PCLO: variants seen among roughly 807,000 people sequenced by gnomAD.
PCLO encodes the protein piccolo presynaptic cytomatrix protein, also known as protein piccolo.
Under a neutral mutation model 427.5 loss-of-function variants are expected in PCLO, and 82 were observed. That is an observed-to-expected ratio of 0.19 (90% CI 0.16 to 0.23). The LOEUF (loss-of-function observed/expected upper bound fraction) is 0.23, where lower values mean the gene tolerates loss of function less well. Ranked by LOEUF, PCLO falls within the 10% of genes least tolerant of loss-of-function variation. The pLI is 1.00. For synonymous variants in PCLO, 2,357 were observed against 2,155.4 expected, an observed-to-expected ratio of 1.09 and a Z score of -2.59; for missense variants, 6,239 against 6,115.9, an observed-to-expected ratio of 1.02 and a Z score of -0.67.
chr7:83,089,025 G>A (rs1790310340), intron 3 of PCLO, among the ~76,000 whole-genome samples: 1 of 152,028 alleles, frequency 6.6e-6, no homozygotes, highest in Non-Finnish European at 1.5e-5. Flanking sequence ...TCACATACTT[G>A]GAGACATAGT....
chr7:82,924,936 G>A (rs940424768), intron 6 of PCLO, among the ~76,000 whole-genome samples: 2 of 152,098 alleles, frequency 1.3e-5, no homozygotes, highest in Non-Finnish European at 2.9e-5. Flanking sequence ...TTAAAATGAT[G>A]AATAAGACAC....
At chr7:82,918,443 TTACA>T (rs1166309329) in intron 6 of PCLO, among the ~76,000 whole-genome samples, 1 of 152,042 alleles carries the variant, frequency 6.6e-6, no homozygotes, top group Non-Finnish European at 1.5e-5. Context: ...TTCTAGATCT[TTACA>T]TATTCTTTCA....
intron 8 of PCLO, among the ~76,000 whole-genome samples, chr7:82,908,584 G>A (rs181927384): frequency 1.9e-4 from 29 of 152,176 alleles, no homozygotes; most frequent in Admixed American, 3.9e-4. Context: ...TAAGCTCTCA[G>A]AGCTCCATCT....
chr7:82,809,677 C>T (rs145757434), intron 20 of PCLO, among the ~76,000 whole-genome samples: 2 of 151,674 alleles, frequency 1.3e-5, no homozygotes, highest in East Asian at 3.9e-4. Flanking sequence ...TAGATAATTT[C>T]ACTTTTTAAA....
At chr7:83,156,687 C>G (rs1397356109) in intron 1 of PCLO, among the ~76,000 whole-genome samples, 1 of 151,296 alleles carries the variant, frequency 6.6e-6, no homozygotes, top group Non-Finnish European at 1.5e-5. Context: ...AGTAATTTAC[C>G]TTTGCACTTA....
At chr7:83,002,433 T>C (rs1470295958) in intron 3 of PCLO, among the ~76,000 whole-genome samples, 1 of 151,980 alleles carries the variant, frequency 6.6e-6, no homozygotes, top group Admixed American at 6.6e-5. Flanking sequence ...TCTTTCACAT[T>C]TATTCTTTTA....
rs751146334 is a variant in PCLO, at chr7:82,822,558, C to T, written c.14728G>A (p.Glu4910Lys). 6.2e-7 allele frequency: 1 copy of T among 1,613,892 alleles called. No individual in the cohort carries two copies. Among genetic ancestry groups the T allele is most frequent in the Non-Finnish European group, 8.5e-7 (1 of 1,179,870 alleles). Residue 4910 changes from glutamate (E) to lysine (K), a missense_variant, in exon 20 of 25, where the codon GAA becomes AAA. By Grantham distance (56) the Glu-to-Lys change is moderately conservative (BLOSUM62 1). This residue lies in a region of PCLO where 877 missense variants were observed against 925.5 expected (regional missense o/e 0.95). Coordinates refer to ENST00000333891, the MANE Select transcript of PCLO (RefSeq NM_033026.6). ...GCAGCTATGGCAGCCCCTGCATCTT[C>T]CAGGTGGGTCTGAGTGACGCTGGTT... Reference protein sequence around the residue: ...SKTSVTQTHLEDAGAAIAAAE... With the variant: ...SKTSVTQTHLKDAGAAIAAAE...
At chr7:83,052,330 A>G (rs1335061374) in intron 3 of PCLO, among the ~76,000 whole-genome samples, 1 of 152,008 alleles carries the variant, frequency 6.6e-6, no homozygotes, top group East Asian at 1.9e-4. Context: ...CTGCTTTAAA[A>G]TAAAATCTAT....
In PCLO at chr7:83,134,666, C is replaced by T. The variant is rs199875203; in HGVS notation, c.2884G>A (p.Ala962Thr). The change falls in exon 3 of 25, where the codon GCC (alanine) becomes ACC (threonine). Residue 962 changes from alanine (A) to threonine (T), a missense_variant. Coordinates refer to ENST00000333891, the MANE Select transcript of PCLO (RefSeq NM_033026.6). Reference protein sequence around the residue: ...PGPHSQSGPGAPMKQAPAPSQ... With the variant: ...PGPHSQSGPGTPMKQAPAPSQ... Reference sequence around the variant, plus strand: ...GGGGCAGGGGCTTGTTTCATTGGGGCCCCTGGTCCACTTTGTGAATGAGGT... The same window carrying T: ...GGGGCAGGGGCTTGTTTCATTGGGGTCCCTGGTCCACTTTGTGAATGAGGT... The T allele has an allele frequency of 5.3e-4, 856 of 1,613,620 alleles. 1 individual carries two copies. Among genetic ancestry groups the T allele is most frequent in the Non-Finnish European group, 6.5e-4 (762 of 1,179,744 alleles).
At chr7:82,969,524 G>A (rs1438099058) in intron 3 of PCLO, among the ~76,000 whole-genome samples, 1 of 151,836 alleles carries the variant, frequency 6.6e-6, no homozygotes, top group Non-Finnish European at 1.5e-5. Flanking sequence ...CAGTCTCTTG[G>A]GTGCATGACT....
chr7:82,915,496 A>G lies in PCLO; in HGVS notation c.12490T>C (p.Tyr4164His), dbSNP rs1749488551. 6.2e-7 allele frequency: 1 copy of G among 1,613,538 alleles called. No homozygotes were observed. Among genetic ancestry groups the G allele is most frequent in the Admixed American group, 1.7e-5 (1 of 59,968 alleles). Residue 4164 changes from tyrosine (Y) to histidine (H), a missense_variant, in exon 7 of 25, where the codon TAT becomes CAT. Physicochemically the swap from Tyr to His is moderately conservative, Grantham distance 83. This residue lies in a region of PCLO where 680 missense variants were observed against 677.3 expected (regional missense o/e 1.00). Transcript: ENST00000333891. The part of the protein sequence containing the change: ...SYRHFPKSEK[Y>H]SISRLTLEKQ... ...TCAAGTGTGAGTCTACTGATGCTAT[A>G]CTTCTCAGATTTTGGAAAATGTCTG...
At chr7:82,793,009 T>C (rs1791138712) in intron 22 of PCLO, among the ~76,000 whole-genome samples, 1 of 151,362 alleles carries the variant, frequency 6.6e-6, no homozygotes. Context: ...TTAATTGCTT[T>C]TTTTTTTTAC....
Position 82,824,287 on chromosome 7 carries a change from G to T in PCLO, c.14545C>A (p.Pro4849Thr). 6.2e-7 allele frequency: 1 copy of T among 1,613,394 alleles called. No homozygotes were observed. The highest frequency in any genetic ancestry group is 8.5e-7 in the Non-Finnish European group (1 of 1,179,678). ...SSQSSQQSPKPSVIKSRSHGI... is the reference protein window; with the variant it reads ...SSQSSQQSPKTSVIKSRSHGI... ...TGGCTTCTGCTTTTGATAACAGATG[G>T]CTTTGGGGACTGCTGGCTGCTCTGA... The change falls in exon 19 of 25, where the codon CCA becomes ACA. Residue 4849 changes from proline (P) to threonine (T), a missense_variant. This residue lies in a region of PCLO where 877 missense variants were observed against 925.5 expected (regional missense o/e 0.95). Coordinates refer to ENST00000333891, the MANE Select transcript of PCLO (RefSeq NM_033026.6).
chr7:82,855,980 T>C (rs1294274942), intron 10 of PCLO, among the ~76,000 whole-genome samples: 1 of 152,100 alleles, frequency 6.6e-6, no homozygotes, highest in Non-Finnish European at 1.5e-5. Flanking sequence ...CTAGATTCTG[T>C]GACTCTCAAT....
rs1387186312 is a variant in PCLO at position 82,801,503 on chromosome 7, T to C, written c.15007+15A>G. The C allele has an allele frequency of 6.9e-7, 1 of 1,444,288 alleles. No homozygotes were observed. The highest frequency in any genetic ancestry group is 1.1e-5 in the South Asian group (1 of 87,470). 89.5% of individuals were successfully genotyped at this position (1,444,288 alleles called of 1,614,324 possible). ...CAGATTCAGCCAAAATCCAATATTGTAAATTTTTACTTACCTTCAGTGTCT... is the reference window on the plus strand; with the variant it reads ...CAGATTCAGCCAAAATCCAATATTGCAAATTTTTACTTACCTTCAGTGTCT... On this transcript the variant is annotated intron_variant, in intron 22 of 24. Coordinates refer to ENST00000333891, the MANE Select transcript of PCLO (RefSeq NM_033026.6).
chr7:83,158,590 CATT>C (rs985796819), intron 1 of PCLO, among the ~76,000 whole-genome samples: 1 of 151,692 alleles, frequency 6.6e-6, no homozygotes, highest in Non-Finnish European at 1.5e-5. Flanking sequence ...TTATTTTAAT[CATT>C]GTTTTAATAT....
At chr7:82,976,716 T>TA (rs951640967) in intron 3 of PCLO, among the ~76,000 whole-genome samples, 28 of 149,150 alleles carry the variant, frequency 1.9e-4, no homozygotes, top group African/African-American at 5.4e-4. Context: ...GTTTAGTTTC[T>TA]AAAAAAAAAA....
chr7:82,895,908 A>C (rs751759707), intron 9 of PCLO, among the ~76,000 whole-genome samples: 1 of 151,954 alleles, frequency 6.6e-6, no homozygotes, highest in Admixed American at 6.6e-5. Context: ...CGAATTCTTC[A>C]CAAACTCTAT....
intron 8 of PCLO, among the ~76,000 whole-genome samples, chr7:82,903,022 G>A (rs1794088429): frequency 1.3e-5 from 2 of 151,978 alleles, no homozygotes; most frequent in South Asian, 2.1e-4. Flanking sequence ...TCTGAAGAAT[G>A]TTTGTTACTA....
Sources: gnomAD v4.1 joint callset for allele counts (sites outside exome capture counted in the v4.1 genomes callset) on GRCh38, gnomAD v4.1.1 for gene constraint, gnomAD v4.1.1 regional missense constraint, MANE v1.5 for transcripts, NCBI Gene and HGNC (gene_info 2026-07-23, HGNC 2026-07-21) for gene names.